Variants in HCN4 observed in about 807,000 individuals in gnomAD.
The protein encoded by HCN4 is potassium/sodium hyperpolarization-activated cyclic nucleotide-gated channel 4.
In HCN4, 29 loss-of-function variants were observed where a neutral mutation model predicts 76.9. That is an observed-to-expected ratio of 0.38 (90% confidence interval 0.28 to 0.51). The LOEUF (loss-of-function observed/expected upper bound fraction) is 0.51. Ranked by LOEUF, HCN4 falls within the 20% of genes least tolerant of loss-of-function variation. The pLI, the probability that HCN4 is intolerant of heterozygous loss-of-function variation, is 0.90. For synonymous variants in HCN4, 772 were observed against 762.5 expected (o/e 1.01, Z -0.21); for missense variants, 1,416 against 1,715.2 (o/e 0.83, Z 3.08).
rs2043018520 is a variant in HCN4, at chr15:73,343,811, G to T, written c.786-3C>A. The T allele has an allele frequency of 6.2e-7, 1 of 1,613,744 alleles. No homozygotes were observed. Among genetic ancestry groups the T allele is most frequent in the South Asian group, 1.1e-5 (1 of 91,050 alleles). On this transcript the variant is annotated splice_region_variant and splice_polypyrimidine_tract_variant and intron_variant, in intron 1 of 7. Transcript: ENST00000261917. This position sits in a 1 kb window ranked among gnomAD's most constrained non-coding sequence, Gnocchi z 5.7. ...GCATGGTCAGGTCCCAGTAAAATCT[G>T]CCCAGAGACACAGGGGTCAGTCGCC...
Position 73,343,358 on chromosome 15 carries a change from C to T in HCN4, c.1209+27G>A. 6.2e-7 allele frequency: 1 copy of T among 1,611,238 alleles called. No homozygotes were observed. Among genetic ancestry groups the T allele is most frequent in the African/African-American group, 1.3e-5 (1 of 75,000 alleles). On this transcript the variant is annotated intron_variant, in intron 2 of 7. Coordinates refer to ENST00000261917, the MANE Select transcript of HCN4 (RefSeq NM_005477.3). The surrounding 1 kb of genome is among the most constrained non-coding windows in gnomAD (Gnocchi z 5.7). ...TCCCTCTGTGGGGAGTGGCCTTTCC[C>T]CCAAGAGGTTTGCACTGACCACTTA...
rs143431889 is a variant in HCN4, at chr15:73,322,510, C to A, written c.3583G>T (p.Val1195Leu). Reference sequence around the variant, plus strand: ...AGATTGGATGGCAGTTTGGAGCGCACTGGCTCAGGCCTGGCCCCAGGTTCC... The same window carrying A: ...AGATTGGATGGCAGTTTGGAGCGCAATGGCTCAGGCCTGGCCCCAGGTTCC... The part of the protein sequence containing the change: ...QREPGARPEP[V>L]RSKLPSNL Residue 1195 changes from valine (V) to leucine (L), a missense_variant, in exon 8 of 8, where the codon GTG becomes TTG. Physicochemically the swap from Val to Leu is conservative, Grantham distance 32. This residue lies in a region of HCN4 where 633 missense variants were observed against 579.8 expected (regional missense o/e 1.09). Coordinates refer to ENST00000261917, the MANE Select transcript of HCN4 (RefSeq NM_005477.3). 6.2e-7 allele frequency: 1 copy of A among 1,601,284 alleles called. No homozygotes were observed. The highest frequency in any genetic ancestry group is 1.3e-5 in the African/African-American group (1 of 74,798).
intron 1 of HCN4, among the ~76,000 whole-genome samples, chr15:73,362,480 C>T (rs2043109352): frequency 6.6e-6 from 1 of 152,270 alleles, no homozygotes. Flanking sequence ...GAATCAGAAT[C>T]TGTATTGAAC....
chr15:73,326,906 C>G (rs191415093), intron 4 of HCN4, among the ~76,000 whole-genome samples: 12 of 151,854 alleles, frequency 7.9e-5, no homozygotes, highest in Admixed American at 5.9e-4. Flanking sequence ...CCCATCTCAG[C>G]CTCCTAAACA....
intron 1 of HCN4, among the ~76,000 whole-genome samples, chr15:73,350,326 A>G (rs2043050100): frequency 6.6e-6 from 1 of 152,164 alleles, no homozygotes; most frequent in South Asian, 2.1e-4. Flanking sequence ...GACCACCATC[A>G]ACCCTTTTCA....
Position 73,322,893 on chromosome 15 carries a change from TG to T in HCN4, c.3199del (p.Gln1067SerfsTer114). On this transcript the variant is annotated frameshift_variant, in exon 8 of 8. Transcript: ENST00000261917. LOFTEE classifies it high-confidence loss of function. Reference protein sequence around the residue: ...ASSPPPPQVPQRRGTPPLTPG... With the variant: ...ASSPPPPQVPXRRGTPPLTPG... ...GGTGAGCGGGGGTGTGCCCCGGCGC[TG>T]GGGGACCTGGGGTGGTGGGGGGCTG... is the stretch of plus-strand genomic sequence containing the variant. The T allele has an allele frequency of 1.5e-6, 2 of 1,354,696 alleles. No individual in the cohort carries two copies. Among genetic ancestry groups the T allele is most frequent in the Non-Finnish European group, 1.9e-6 (2 of 1,038,692 alleles). 83.9% of individuals were successfully genotyped at this position (1,354,696 alleles called of 1,614,324 possible). A position where few individuals can be genotyped will look rare whatever the true frequency, so the allele number is the denominator to read the frequency against.
rs1567801864 is a variant in HCN4, at chr15:73,367,858, G to T, written c.413C>A (p.Ser138Tyr). The T allele has an allele frequency of 1.6e-5, 21 of 1,311,042 alleles. No individual in the cohort carries two copies. The highest frequency in any genetic ancestry group is 3.2e-5 in the East Asian group (1 of 30,890). The allele number at this position is 1,311,042 out of a possible 1,614,324, so 81.2% of individuals were successfully genotyped here. A position where few individuals can be genotyped will look rare whatever the true frequency, so the allele number is the denominator to read the frequency against. Reference protein sequence around the residue: ...ERRLIAEGDASPGEDRTPPGL... With the variant: ...ERRLIAEGDAYPGEDRTPPGL... ...TGGGGGCGTCCTGTCCTCGCCGGGGGACGCGTCGCCCTCGGCGATGAGCCG... is the reference window on the plus strand; with the variant it reads ...TGGGGGCGTCCTGTCCTCGCCGGGGTACGCGTCGCCCTCGGCGATGAGCCG... Residue 138 changes from serine (S) to tyrosine (Y), a missense_variant, in exon 1 of 8, where the codon TCC becomes TAC. This residue lies in a region of HCN4 where 355 missense variants were observed against 347.8 expected (regional missense o/e 1.02). Coordinates refer to ENST00000261917, the MANE Select transcript of HCN4 (RefSeq NM_005477.3). This position sits in a 1 kb window ranked among gnomAD's most constrained non-coding sequence, Gnocchi z 7.5.
rs886141323 is a variant in HCN4 at position 73,322,286 on chromosome 15, G to A, written c.*195C>T. Reference sequence around the variant, plus strand: ...CCCTCTAGTGCTGAGTATTAAAATAGTCTATAAAAGCAAGTGACCAAAAAT... The same window carrying A: ...CCCTCTAGTGCTGAGTATTAAAATAATCTATAAAAGCAAGTGACCAAAAAT... On this transcript the variant is annotated 3_prime_UTR_variant, in exon 8 of 8. Coordinates refer to ENST00000261917, the MANE Select transcript of HCN4 (RefSeq NM_005477.3). 2.4e-6 allele frequency: 1 copy of A among 409,206 alleles called. No homozygotes were observed. Among genetic ancestry groups the A allele is most frequent in the Non-Finnish European group, 4.7e-6 (1 of 211,286 alleles). 25.3% of individuals were successfully genotyped at this position (409,206 alleles called of 1,614,324 possible).
chr15:73,326,793 A>ATTTATTTT (rs1555475767), intron 4 of HCN4, among the ~76,000 whole-genome samples: 81 of 144,970 alleles, frequency 5.6e-4, no homozygotes, highest in African/African-American at 2.0e-3. Context: ...TTATTTATTT[A>ATTTATTTT]TTTTTTTTGT....
intron 1 of HCN4, among the ~76,000 whole-genome samples, chr15:73,359,674 A>G (rs141272152): frequency 6.6e-6 from 1 of 152,092 alleles, no homozygotes; most frequent in Non-Finnish European, 1.5e-5. Context: ...ACTGAACCCC[A>G]ATCCTGGTTA....
intron 1 of HCN4, among the ~76,000 whole-genome samples, chr15:73,361,254 C>T (rs1162652916): frequency 6.6e-6 from 1 of 152,140 alleles, no homozygotes; most frequent in Non-Finnish European, 1.5e-5. Context: ...TCTGTGCTGC[C>T]TCCCACCTCA....
In HCN4 at chr15:73,324,199, T is replaced by C. The variant is rs1449535764; in HGVS notation, c.2033A>G (p.Tyr678Cys). The change falls in exon 7 of 8, where the codon TAC becomes TGC. Residue 678 changes from tyrosine to cysteine, a missense_variant. By Grantham distance (194) the Tyr-to-Cys change is radical. Coordinates refer to ENST00000261917, the MANE Select transcript of HCN4 (RefSeq NM_005477.3). ...CACGCTCAGCGAGTAGAGGCGGCAG[T>C]AGGTGTCGGCCCTCACGCTGGCTGT... ...RRTASVRADTYCRLYSLSVDN... is the reference protein window; with the variant it reads ...RRTASVRADTCCRLYSLSVDN... 1.9e-6 allele frequency: 3 copies of C among 1,614,076 alleles called. No individual in the cohort carries two copies. Among genetic ancestry groups the C allele is most frequent in the Non-Finnish European group, 2.5e-6 (3 of 1,179,970 alleles).
chr15:73,350,631 C>T (rs2151223180), intron 1 of HCN4, among the ~76,000 whole-genome samples: 1 of 152,260 alleles, frequency 6.6e-6, no homozygotes, highest in African/African-American at 2.4e-5. Context: ...CGCCAGTGTC[C>T]CCTTCCTCTT....
chr15:73,321,218 C>CAGTGG lies in HCN4; in HGVS notation c.*1262_*1263insCCACT, dbSNP rs1376606349. The CAGTGG allele has an allele frequency of 6.6e-6, 1 of 152,142 alleles. No individual in the cohort carries two copies. The highest frequency in any genetic ancestry group is 1.5e-5 in the Non-Finnish European group (1 of 68,038). The allele number at this position is 152,142 out of a possible 1,614,324, so 9.4% of individuals were successfully genotyped here. A position where few individuals can be genotyped will look rare whatever the true frequency, so the allele number is the denominator to read the frequency against. ...GAAGTGGCAGGGCTGGGATTCAAAC[C>CAGTGG]CAGGCCTGACTGCTGCCAAAATCTG... is the stretch of plus-strand genomic sequence containing the variant. On this transcript the variant is annotated 3_prime_UTR_variant, in exon 8 of 8. Transcript: ENST00000261917.
At chr15:73,334,361 C>T (rs1174284965) in intron 2 of HCN4, among the ~76,000 whole-genome samples, 1 of 152,102 alleles carries the variant, frequency 6.6e-6, no homozygotes, top group African/African-American at 2.4e-5. Context: ...TTTTCTGTGG[C>T]TGGTCATGTT....
chr15:73,360,097 G>T (rs924254722), intron 1 of HCN4, among the ~76,000 whole-genome samples: 1 of 152,234 alleles, frequency 6.6e-6, no homozygotes, highest in African/African-American at 2.4e-5. Context: ...AAAGGGGAAG[G>T]CTCCCTTCTC....
chr15:73,338,016 GCA>G (rs2042976994), intron 2 of HCN4, among the ~76,000 whole-genome samples: 2 of 152,178 alleles, frequency 1.3e-5, no homozygotes, highest in Non-Finnish European at 2.9e-5. Flanking sequence ...CGCCAACAAC[GCA>G]CAGTCTGAGC....
Position 73,322,524 on chromosome 15 carries a change from G to A in HCN4, c.3569C>T (p.Ala1190Val). ...LTAGPQREPG[A>V]RPEPVRSKLP... is the part of the protein sequence containing the mutation. Reference sequence around the variant, plus strand: ...TTTGGAGCGCACTGGCTCAGGCCTGGCCCCAGGTTCCCTCTGGGGTCCAGC... The same window carrying A: ...TTTGGAGCGCACTGGCTCAGGCCTGACCCCAGGTTCCCTCTGGGGTCCAGC... Residue 1190 changes from alanine (A) to valine (V), a missense_variant, in exon 8 of 8, where the codon GCC becomes GTC. Physicochemically the swap from Ala to Val is moderately conservative, Grantham distance 64. Around this residue, in one of 6 missense-constraint regions of HCN4, gnomAD observed 633 missense variants for 579.8 expected, o/e 1.09. Transcript: ENST00000261917. The A allele has an allele frequency of 6.2e-7, 1 of 1,603,912 alleles. No individual in the cohort carries two copies.
intron 1 of HCN4, among the ~76,000 whole-genome samples, chr15:73,351,974 A>AC (rs1273265952): frequency 6.6e-6 from 1 of 150,424 alleles, no homozygotes; most frequent in East Asian, 2.0e-4. Flanking sequence ...GTACCCACCT[A>AC]CCCCCCTTGG....
Sources: gnomAD v4.1 joint callset for allele counts (sites outside exome capture counted in the v4.1 genomes callset) on GRCh38, gnomAD v4.1.1 for gene constraint, gnomAD v4.1.1 regional missense constraint, Gnocchi (gnomAD v3.1) non-coding constraint, MANE v1.5 for transcripts, NCBI Gene and HGNC (gene_info 2026-07-23, HGNC 2026-07-21) for gene names.